Variants in KLF17 observed in about 807,000 individuals in gnomAD.
KLF17 encodes the protein KLF transcription factor 17.
In KLF17, 31 loss-of-function variants were observed where a neutral mutation model predicts 34.2. The observed-to-expected ratio is 0.91, with a 90% CI of 0.68 to 1.22. The LOEUF (loss-of-function observed/expected upper bound fraction) is 1.22, where lower values mean the gene tolerates loss of function less well. Ranked by LOEUF, KLF17 falls within the 50% of genes most tolerant of loss-of-function variation. The probability of loss-of-function intolerance (pLI) is 0.00; values close to 1 mark genes in which losing one functional copy is unlikely to be tolerated. For synonymous variants in KLF17, 179 were observed against 186.7 expected, an observed-to-expected ratio of 0.96 and a Z score of 0.34; for missense variants, 478 against 505.2, an observed-to-expected ratio of 0.95 and a Z score of 0.52.
the KLF17 span, among the ~76,000 whole-genome samples, chr1:44,096,767 CA>C: frequency 6.6e-6 from 1 of 151,896 alleles, no homozygotes; most frequent in African/African-American, 2.4e-5. Flanking sequence ...GGATAGATTG[CA>C]AAAAAGTTCT....
At chr1:44,112,017 C>T in the KLF17 span, among the ~76,000 whole-genome samples, 3 of 152,202 alleles carry the variant, frequency 2.0e-5, no homozygotes, top group Admixed American at 2.0e-4. Context: ...CCCAGGATAC[C>T]ACATTACACT....
At chr1:44,085,610 T>C in the KLF17 span, among the ~76,000 whole-genome samples, 1 of 151,832 alleles carries the variant, frequency 6.6e-6, no homozygotes, top group Non-Finnish European at 1.5e-5. Context: ...CTAGGCAACA[T>C]AGTAAAACCT....
the KLF17 span, among the ~76,000 whole-genome samples, chr1:44,058,776 G>T: frequency 7.1e-6 from 1 of 140,574 alleles, no homozygotes; most frequent in South Asian, 2.2e-4. Flanking sequence ...CAAGCTCCAG[G>T]GAGGCCCTTT....
chr1:44,064,173 A>G, the KLF17 span, among the ~76,000 whole-genome samples: 60,136 of 152,034 alleles, frequency 0.4, 12,148 homozygotes, highest in East Asian at 0.57. Flanking sequence ...TATGCTAAAC[A>G]TGGCAACAAG....
the KLF17 span, among the ~76,000 whole-genome samples, chr1:44,097,940 C>A: frequency 6.6e-6 from 1 of 151,920 alleles, no homozygotes; most frequent in African/African-American, 2.4e-5. Context: ...TATGTTGAAC[C>A]ATCCTTGCAT....
At chr1:44,059,773 T>C in the KLF17 span, among the ~76,000 whole-genome samples, 1 of 151,900 alleles carries the variant, frequency 6.6e-6, no homozygotes, top group East Asian at 1.9e-4. Context: ...AAAGCAGACG[T>C]TTCCCTGTGA....
intron 1 of KLF17, among the ~76,000 whole-genome samples, chr1:44,121,264 G>T (rs933235428): frequency 6.6e-6 from 1 of 152,128 alleles, no homozygotes; most frequent in African/African-American, 2.4e-5. Flanking sequence ...TTACAGGCGT[G>T]TGCCACTCCA....
rs2088149962 is a variant in KLF17 at position 44,134,719 on chromosome 1, A to T, written c.*1482A>T. On this transcript the variant is annotated 3_prime_UTR_variant, in exon 4 of 4. Coordinates refer to ENST00000372299, the MANE Select transcript of KLF17 (RefSeq NM_173484.4). ...TCTTTGGCTGCAACATGGAGATTAGATTAGAGCAAGGATGTAAGGGAGAGG... is the reference window on the plus strand; with the variant it reads ...TCTTTGGCTGCAACATGGAGATTAGTTTAGAGCAAGGATGTAAGGGAGAGG... The T allele has an allele frequency of 6.6e-6, 1 of 152,304 alleles. No individual in the cohort carries two copies. Among genetic ancestry groups the T allele is most frequent in the Non-Finnish European group, 1.5e-5 (1 of 68,098 alleles). 9.4% of individuals were successfully genotyped at this position (152,304 alleles called of 1,614,324 possible). A position where few individuals can be genotyped will look rare whatever the true frequency, so the allele number is the denominator to read the frequency against.
At chr1:44,130,890 G>A (rs531487872) in intron 3 of KLF17, 134 bp downstream of exon 3, 2 of 819,176 alleles carry the variant, frequency 2.4e-6, no homozygotes, top group African/African-American at 3.4e-5. Flanking sequence ...CCACCTCCCA[G>A]GTTCAAGTGA....
chr1:44,050,555 G>A, the KLF17 span, among the ~76,000 whole-genome samples: 1 of 152,176 alleles, frequency 6.6e-6, no homozygotes, highest in Non-Finnish European at 1.5e-5. Flanking sequence ...TCTACACACT[G>A]CCTATGGGGT....
chr1:44,078,025 A>C, the KLF17 span, among the ~76,000 whole-genome samples: 1 of 152,330 alleles, frequency 6.6e-6, no homozygotes, highest in South Asian at 2.1e-4. Flanking sequence ...ATATGCTGCA[A>C]ATATCTTCTC....
At chr1:44,083,638 A>G in the KLF17 span, among the ~76,000 whole-genome samples, 1 of 152,036 alleles carries the variant, frequency 6.6e-6, no homozygotes, top group African/African-American at 2.4e-5. Flanking sequence ...TACTAAAAAT[A>G]CAAAAATTAG....
intron 1 of KLF17, among the ~76,000 whole-genome samples, chr1:44,121,725 C>T (rs1245616465): frequency 1.3e-5 from 2 of 152,212 alleles, no homozygotes; most frequent in Non-Finnish European, 2.9e-5. Context: ...GATCTTACAG[C>T]TTAACTGGAT....
At chr1:44,103,446 C>G in the KLF17 span, 1 of 814,904 alleles carries the variant, frequency 1.2e-6, no homozygotes, top group Non-Finnish European at 2.1e-6. Context: ...AGAGCCAAAG[C>G]TGGAGCCCAG....
the KLF17 span, among the ~76,000 whole-genome samples, chr1:44,098,371 G>A: frequency 6.6e-6 from 1 of 151,544 alleles, no homozygotes; most frequent in African/African-American, 2.4e-5. Context: ...TCTATCTAAA[G>A]GGTTGTTAAT....
upstream of KLF17, chr1:44,114,591 AG>A (rs886290335): frequency 3.3e-5 from 5 of 152,264 alleles, no homozygotes; most frequent in African/African-American, 1.2e-4. Context: ...GAGATAATAC[AG>A]GGCCACCTGG....
chr1:44,096,813 C>A, the KLF17 span, among the ~76,000 whole-genome samples: 3 of 152,224 alleles, frequency 2.0e-5, no homozygotes, highest in African/African-American at 7.2e-5. Flanking sequence ...TTTTCCTGTT[C>A]AGAAGCTCTT....
intron 1 of KLF17, 128 bp downstream of exon 1, chr1:44,119,116 G>C (rs2087915565): frequency 1.0e-5 from 6 of 595,782 alleles, no homozygotes; most frequent in Non-Finnish European, 1.4e-5. Context: ...CCGAGGGGAG[G>C]GGTGGCAAAG....
Position 44,118,821 on chromosome 1 carries a change from G to T in KLF17, c.-87G>T, listed in dbSNP as rs986613528. ...TAGGTAAATAGAAGGTGATTGTGGCGTGGCGATGTACCGATACCCGCCTGC... is the reference window on the plus strand; with the variant it reads ...TAGGTAAATAGAAGGTGATTGTGGCTTGGCGATGTACCGATACCCGCCTGC... On this transcript the variant is annotated 5_prime_UTR_variant, in exon 1 of 4. Transcript: ENST00000372299. 13 of 953,352 alleles carry T rather than the reference G, an allele frequency of 1.4e-5. No homozygotes were observed. The highest frequency in any genetic ancestry group is 1.3e-4 in the African/African-American group (8 of 59,314). 59.1% of individuals were successfully genotyped at this position (953,352 alleles called of 1,614,324 possible). A position where few individuals can be genotyped will look rare whatever the true frequency, so the allele number is the denominator to read the frequency against.
Sources: allele counts gnomAD v4.1 joint callset (sites outside exome capture counted in the v4.1 genomes callset), GRCh38; gene constraint gnomAD v4.1.1; transcripts MANE v1.5; gene names NCBI Gene and HGNC (gene_info 2026-07-23, HGNC 2026-07-21).